The following CASK variants were observed in gnomAD, a reference collection of about 807,000 sequenced individuals.
CASK encodes calcium/calmodulin dependent serine protein kinase.
CASK carries 4 observed loss-of-function variants against 82.9 expected under a neutral mutation model. The ratio of observed to expected loss-of-function variants is 0.05; its 90% CI spans 0.02 to 0.11. The LOEUF (loss-of-function observed/expected upper bound fraction) is 0.11. Among genes scored for constraint, CASK ranks in the 10% least tolerant of loss-of-function variants. The pLI is 1.00. For missense variants in CASK, 358 were observed against 720.9 expected (o/e 0.50, Z 5.76); for synonymous variants, 259 against 253.5 (o/e 1.02, Z -0.20).
At chrX:41,703,574 C>CT (rs1457244196) in intron 5 of CASK, among the ~76,000 whole-genome samples, 1 of 112,388 alleles carries the variant, frequency 8.9e-6, no homozygotes, top group Non-Finnish European at 1.9e-5. Flanking sequence ...CATGAATAAA[C>CT]AATGGTTCAT....
chrX:41,594,619 A>T (rs1291644148), intron 12 of CASK, among the ~76,000 whole-genome samples: 1 of 112,033 alleles, frequency 8.9e-6, no homozygotes, highest in African/African-American at 3.2e-5. Context: ...GGGGCAGGCC[A>T]TGCTTGTAGT....
intron 5 of CASK, chrX:41,728,360 A>C (rs1481954826): frequency 6.4e-6 from 1 of 156,816 alleles, no homozygotes; most frequent in Non-Finnish European, 1.3e-5. Flanking sequence ...TAGGATAAAG[A>C]AGCAAATGGT....
At chrX:41,917,475 G>A (rs2072712688) in intron 1 of CASK, among the ~76,000 whole-genome samples, 1 of 112,109 alleles carries the variant, frequency 8.9e-6, no homozygotes, top group Non-Finnish European at 1.9e-5. Flanking sequence ...ATCTCAAGAA[G>A]CAAGGTATAT....
intron 12 of CASK, among the ~76,000 whole-genome samples, chrX:41,591,823 A>G (rs1489622197): frequency 2.7e-5 from 3 of 111,748 alleles, no homozygotes. Context: ...GGTAGAGCTC[A>G]TGTTAAGTGT....
chrX:41,574,648 A>G (rs2065461719), intron 15 of CASK, among the ~76,000 whole-genome samples: 1 of 111,799 alleles, frequency 8.9e-6, no homozygotes, highest in African/African-American at 3.3e-5. Context: ...GAAATTTTAA[A>G]TAATGCTGAC....
At chrX:41,774,950 A>G (rs915753784) in intron 3 of CASK, among the ~76,000 whole-genome samples, 3 of 111,995 alleles carry the variant, frequency 2.7e-5, no homozygotes, top group Non-Finnish European at 3.8e-5. Context: ...AAACCTAGGC[A>G]TTACCATTCA....
At position 41,657,799 on chromosome X, in the gene CASK, C is replaced by T. The variant is rs145498223; in HGVS notation, c.831+2640G>A. Among the ~76,000 whole-genome samples, 275 of 111,469 alleles carry T rather than the reference C, an allele frequency of 2.5e-3. 2 individuals are homozygous for T. Among genetic ancestry groups the T allele is most frequent in the African/African-American group, 8.5e-3 (262 of 30,667 alleles). On this transcript the variant is annotated intron_variant, in intron 8 of 26. Transcript: ENST00000378163. ...GTATACTGTGAAATATATATTTGGT[C>T]CTCTAGCTCATTTCCTGGCATACAA...
intron 2 of CASK, among the ~76,000 whole-genome samples, chrX:41,796,437 A>G (rs1352982219): frequency 1.8e-5 from 2 of 112,413 alleles, no homozygotes; most frequent in Non-Finnish European, 3.8e-5. Flanking sequence ...AGAAGGCAGC[A>G]ATGTGAACAT....
intron 3 of CASK, among the ~76,000 whole-genome samples, chrX:41,771,199 T>C (rs2069239207): frequency 8.9e-6 from 1 of 112,049 alleles, no homozygotes; most frequent in Admixed American, 9.5e-5. Context: ...ATTCTCCACA[T>C]CAATGGATGC....
intron 10 of CASK, 57 bp downstream of exon 10, chrX:41,626,547 G>C: frequency 2.8e-6 from 2 of 718,440 alleles, no homozygotes; most frequent in Middle Eastern, 2.9e-4. Flanking sequence ...CAATGGGAGA[G>C]AATGGATGTA....
chrX:41,729,302 T>C (rs969997454), intron 5 of CASK: 4 of 123,435 alleles, frequency 3.2e-5, no homozygotes, highest in Non-Finnish European at 7.5e-5. Context: ...TTAAATCAGC[T>C]GTTACTATTA....
intron 1 of CASK, among the ~76,000 whole-genome samples, chrX:41,900,519 T>TC (rs1024048644): frequency 2.7e-5 from 3 of 109,500 alleles, no homozygotes; most frequent in Admixed American, 9.8e-5. Flanking sequence ...TTCTTCTACT[T>TC]CAAGTCTACT....
intron 2 of CASK, among the ~76,000 whole-genome samples, chrX:41,851,578 G>A (rs773087655): frequency 2.0e-4 from 22 of 111,625 alleles, no homozygotes; most frequent in Non-Finnish European, 3.2e-4. Flanking sequence ...ATTGTTTCCC[G>A]AAAGAATGTC....
At chrX:41,687,608 A>G (rs1299959611) in intron 5 of CASK, among the ~76,000 whole-genome samples, 1 of 111,289 alleles carries the variant, frequency 9.0e-6, no homozygotes, top group Non-Finnish European at 1.9e-5. Context: ...AAACTTCTAG[A>G]AACTGTTGCA....
chrX:41,606,137 A>G (rs1249163359), intron 12 of CASK, among the ~76,000 whole-genome samples: 6 of 112,751 alleles, frequency 5.3e-5, no homozygotes, highest in Non-Finnish European at 1.1e-4. Context: ...TATTATTAAA[A>G]TGTAGCCTGT....
Position 41,555,935 on chromosome X carries a change from A to T in CASK, c.1807-300T>A, listed in dbSNP as rs531485873. ...AAGTGAAACAGCCTATTAAAAAAAA[A>T]AAATAAATAAAAGGAGCTGTTGCCC... On this transcript the variant is annotated intron_variant, in intron 19 of 26. Coordinates refer to ENST00000378163, the MANE Select transcript of CASK (RefSeq NM_001367721.1). 1,274 of 219,576 alleles carry T rather than the reference A, an allele frequency of 5.8e-3. 14 individuals are homozygous for T. Among genetic ancestry groups the T allele is most frequent in the African/African-American group, 0.018 (620 of 34,492 alleles). The allele number at this position is 219,576 out of a possible 1,213,427, so 18.1% of individuals were successfully genotyped here. A position where few individuals can be genotyped will look rare whatever the true frequency, so the allele number is the denominator to read the frequency against.
intron 7 of CASK, among the ~76,000 whole-genome samples, chrX:41,661,829 C>T (rs145080327): frequency 5.4e-5 from 6 of 110,502 alleles, no homozygotes; most frequent in African/African-American, 2.0e-4. Flanking sequence ...GATGAAATCC[C>T]ACACTTTTCA....
chrX:41,788,373 G>GAA (rs1431299042), intron 2 of CASK, among the ~76,000 whole-genome samples: 1 of 111,193 alleles, frequency 9.0e-6, no homozygotes, highest in East Asian at 2.8e-4. Context: ...ATAGAATAAT[G>GAA]AAAGCCATCC....
At chrX:41,832,773 C>T (rs2070849424) in intron 2 of CASK, among the ~76,000 whole-genome samples, 1 of 112,114 alleles carries the variant, frequency 8.9e-6, no homozygotes, top group African/African-American at 3.2e-5. Context: ...TTTATTAACA[C>T]TGAACCCATG....
Sources: allele counts gnomAD v4.1 joint callset (sites outside exome capture counted in the v4.1 genomes callset), GRCh38; gene constraint gnomAD v4.1.1; transcripts MANE v1.5; gene names NCBI Gene and HGNC (gene_info 2026-07-23, HGNC 2026-07-21).